The following EPB41 variants were observed in gnomAD, a reference collection of about 807,000 sequenced individuals.
EPB41 encodes the protein erythrocyte membrane protein band 4.1.
EPB41 carries 65 observed loss-of-function variants against 108.0 expected under a neutral mutation model. The ratio of observed to expected loss-of-function variants is 0.60; its 90% CI spans 0.49 to 0.74. EPB41 has a LOEUF of 0.74. Ranked by LOEUF, EPB41 falls within the 30% of genes least tolerant of loss-of-function variation. EPB41 has a pLI of 0.00. For synonymous variants in EPB41, 336 were observed against 358.9 expected, an observed-to-expected ratio of 0.94 and a Z score of 0.72; for missense variants, 875 against 1,037.0, an observed-to-expected ratio of 0.84 and a Z score of 2.15.
At chr1:29,111,675 T>A (rs1042944742) in intron 18 of EPB41, among the ~76,000 whole-genome samples, 1 of 150,070 alleles carries the variant, frequency 6.7e-6, no homozygotes, top group Non-Finnish European at 1.5e-5. Flanking sequence ...AATAAATAAA[T>A]AAAAAAGATT....
intron 1 of EPB41, among the ~76,000 whole-genome samples, chr1:28,921,972 T>G (rs1181125088): frequency 3.3e-5 from 2 of 61,004 alleles, no homozygotes; most frequent in African/African-American, 6.4e-5. Flanking sequence ...ACACTTTTTT[T>G]TTGTTTTTTT....
intron 14 of EPB41, among the ~76,000 whole-genome samples, chr1:29,060,040 G>GT (rs1405621467): frequency 2.6e-5 from 4 of 152,124 alleles, no homozygotes; most frequent in Non-Finnish European, 5.9e-5. Flanking sequence ...GCTAAATAAT[G>GT]TTTTTAAAGC....
intron 19 of EPB41, 52 bp downstream of exon 19, chr1:29,112,500 C>A (rs747068599): frequency 1.4e-6 from 2 of 1,468,486 alleles, no homozygotes; most frequent in Non-Finnish European, 1.9e-6. Context: ...GGCAGGAAGA[C>A]CGATGAATAC....
At chr1:28,951,377 C>T (rs1388758576) in intron 1 of EPB41, among the ~76,000 whole-genome samples, 1 of 151,008 alleles carries the variant, frequency 6.6e-6, no homozygotes, top group East Asian at 2.0e-4. Context: ...CACACACACA[C>T]ACACACACAC....
chr1:29,114,636 TAAAAAAAAAA>T (rs62666661), intron 19 of EPB41, among the ~76,000 whole-genome samples: 109 of 77,746 alleles, frequency 1.4e-3, no homozygotes, highest in Admixed American at 2.7e-3. Context: ...AGACTCCGTC[TAAAAAAAAAA>T]AAAAAAAAAA....
rs571015341 is a variant in EPB41, at chr1:29,008,321, C to T, written c.787-3544C>T. ...TCCCATAGACTTTATCCCATCAGAC[C>T]CTTTTGATCAATATCAGTACCATTT... On this transcript the variant is annotated intron_variant, in intron 4 of 20. Coordinates refer to ENST00000343067, the MANE Select transcript of EPB41 (RefSeq NM_001376013.1). Among the ~76,000 whole-genome samples the T allele has an allele frequency of 2.1e-3, 312 of 152,110 alleles. 1 individual carries two copies. Among genetic ancestry groups the T allele is most frequent in the Non-Finnish European group, 3.5e-3 (241 of 68,008 alleles).
chr1:29,058,777 A>AT lies in EPB41; in HGVS notation c.1903-29dup, dbSNP rs749430627. The AT allele has an allele frequency of 8.7e-5, 133 of 1,537,380 alleles. No homozygotes were observed. The East Asian group carries it at 2.3e-3, about 26-fold the overall frequency. ...AAACTTCAATGAGCAACATTTTATC[A>AT]TTTTTCTTTCTTTTTTAAATTATGG... On this transcript the variant is annotated intron_variant, in intron 13 of 20. Coordinates refer to ENST00000343067, the MANE Select transcript of EPB41 (RefSeq NM_001376013.1).
intron 1 of EPB41, among the ~76,000 whole-genome samples, chr1:28,958,133 A>G (rs2149081145): frequency 6.6e-6 from 1 of 152,312 alleles, no homozygotes; most frequent in African/African-American, 2.4e-5. Context: ...ATTTAAAAGA[A>G]GCTTCAACAG....
chr1:29,074,461 T>C (rs992777186), intron 16 of EPB41, among the ~76,000 whole-genome samples: 19 of 152,246 alleles, frequency 1.2e-4, no homozygotes, highest in Admixed American at 9.2e-4. Context: ...CTCTACACTT[T>C]AGTGGATAGT....
chr1:29,089,477 T>C (rs1660421387), intron 16 of EPB41, among the ~76,000 whole-genome samples: 1 of 152,228 alleles, frequency 6.6e-6, no homozygotes, highest in Non-Finnish European at 1.5e-5. Context: ...AAGGATTTCA[T>C]AGGCTAATGG....
At chr1:28,902,644 A>G (rs1273578982) in intron 1 of EPB41, among the ~76,000 whole-genome samples, 3 of 152,146 alleles carry the variant, frequency 2.0e-5, no homozygotes, top group African/African-American at 7.2e-5. Context: ...CTGGGTCTCT[A>G]TGCCTGGCCT....
At position 29,065,072 on chromosome 1, in the gene EPB41, C is replaced by T. The variant is rs777520843; in HGVS notation, c.2098C>T (p.Arg700Trp). Residue 700 changes from arginine (R) to tryptophan (W), a missense_variant, in exon 16 of 21, where the codon CGG becomes TGG. Physicochemically the swap from Arg to Trp is moderately radical, Grantham distance 101. This residue lies in a region of EPB41 where 519 missense variants were observed against 627.3 expected (regional missense o/e 0.83). Transcript: ENST00000343067. ...KNFMESVPEPRPSEWDKRLST... is the reference protein window; with the variant it reads ...KNFMESVPEPWPSEWDKRLST... ...CTTCATGGAGTCTGTACCAGAACCA[C>T]GGCCTAGTGAATGGGATAAACGCTT... 1.1e-5 allele frequency: 17 copies of T among 1,614,154 alleles called. No individual in the cohort carries two copies. The highest frequency in any genetic ancestry group is 2.2e-5 in the East Asian group (1 of 44,886).
chr1:28,899,152 G>A (rs2091023660), intron 1 of EPB41, among the ~76,000 whole-genome samples: 1 of 152,200 alleles, frequency 6.6e-6, no homozygotes, highest in Admixed American at 6.5e-5. Flanking sequence ...TGCATGTGGT[G>A]CAGTGGCCTT....
intron 1 of EPB41, among the ~76,000 whole-genome samples, chr1:28,936,676 C>T (rs2094042328): frequency 6.6e-6 from 1 of 152,218 alleles, no homozygotes; most frequent in Non-Finnish European, 1.5e-5. Flanking sequence ...GCTTCATTCA[C>T]TTAGCATGTT....
chr1:28,909,064 C>G (rs1305103545), intron 1 of EPB41, among the ~76,000 whole-genome samples: 1 of 147,188 alleles, frequency 6.8e-6, no homozygotes, highest in African/African-American at 2.5e-5. Context: ...GAGGCTGAGG[C>G]AGGAGAATCT....
intron 12 of EPB41, among the ~76,000 whole-genome samples, chr1:29,056,233 C>CAA (rs1388048465): frequency 1.6e-4 from 9 of 56,420 alleles, no homozygotes; most frequent in African/African-American, 3.0e-4. Context: ...GACTCCGTCT[C>CAA]AAAAAAAAAA....
At chr1:29,108,508 T>A (rs1360135081) in intron 17 of EPB41, among the ~76,000 whole-genome samples, 2 of 151,966 alleles carry the variant, frequency 1.3e-5, no homozygotes, top group African/African-American at 2.4e-5. Flanking sequence ...ACTATACCCA[T>A]CCAACTTTCT....
rs764529445 is a variant in EPB41 at position 29,039,420 on chromosome 1, G to T, written c.1630G>T (p.Asp544Tyr). The change falls in exon 11 of 21, where the codon GAT becomes TAT. Residue 544 changes from aspartate (D) to tyrosine (Y), a missense_variant. By Grantham distance (160) the Asp-to-Tyr change is radical. Coordinates refer to ENST00000343067, the MANE Select transcript of EPB41 (RefSeq NM_001376013.1). Reference sequence around the variant, plus strand: ...AAGTAAACGGGCGTCCCGGAGCCTCGATGGAGGTTTGTATTGAATATTAAT... The same window carrying T: ...AAGTAAACGGGCGTCCCGGAGCCTCTATGGAGGTTTGTATTGAATATTAAT... The part of the protein sequence containing the change: ...TASKRASRSL[D>Y]GAAAVDSADR... The T allele has an allele frequency of 6.2e-7, 1 of 1,613,950 alleles. No individual in the cohort carries two copies. The highest frequency in any genetic ancestry group is 2.2e-5 in the East Asian group (1 of 44,882).
chr1:28,999,995 G>C (rs1451702827), intron 4 of EPB41, among the ~76,000 whole-genome samples: 1 of 152,124 alleles, frequency 6.6e-6, no homozygotes, highest in Non-Finnish European at 1.5e-5. Flanking sequence ...TCACTATGTT[G>C]CTCAAGCTGG....
Sources: gnomAD v4.1 joint callset for allele counts (sites outside exome capture counted in the v4.1 genomes callset) on GRCh38, gnomAD v4.1.1 for gene constraint, gnomAD v4.1.1 regional missense constraint, MANE v1.5 for transcripts, NCBI Gene and HGNC (gene_info 2026-07-23, HGNC 2026-07-21) for gene names.